The following TEK variants were observed in gnomAD, a reference collection of about 807,000 sequenced individuals.
The protein encoded by TEK is angiopoietin-1 receptor.
In TEK, 43 loss-of-function variants were observed where a neutral mutation model predicts 131.8. That is an observed-to-expected ratio of 0.33 (90% CI 0.26 to 0.42). The LOEUF (loss-of-function observed/expected upper bound fraction) is 0.42. TEK is among the 10% of genes least tolerant of loss of function. TEK has a pLI of 1.00. For synonymous variants in TEK, 580 were observed against 491.6 expected (o/e 1.18, Z -2.38); for missense variants, 1,162 against 1,384.4 (o/e 0.84, Z 2.55).
At chr9:27,212,609 A>T in intron 16 of TEK, 98 bp from the exon 17 acceptor site, 3 of 1,351,868 alleles carry the variant, frequency 2.2e-6, no homozygotes, top group Non-Finnish European at 3.1e-6. Context: ...TGTTTTTTAG[A>T]CAAAATGGAG....
chr9:27,117,161 G>A (rs377677973), intron 1 of TEK, among the ~76,000 whole-genome samples: 9 of 152,072 alleles, frequency 5.9e-5, no homozygotes, highest in African/African-American at 1.7e-4. Context: ...CACTGCGCCC[G>A]GCCGGAAAGA....
chr9:27,223,989 G>A (rs964067806), intron 21 of TEK, among the ~76,000 whole-genome samples: 5 of 152,164 alleles, frequency 3.3e-5, no homozygotes, highest in Admixed American at 2.0e-4. Flanking sequence ...ACACCTCTAC[G>A]CAAATAAACT....
chr9:27,217,607 G>C (rs1825865753), intron 18 of TEK, 81 bp from the exon 19 acceptor site: 6 of 1,243,414 alleles, frequency 4.8e-6, no homozygotes, highest in Non-Finnish European at 7.1e-6. Context: ...GCAATCATTT[G>C]TGGAGCCACA....
At chr9:27,155,760 T>G (rs1259719634) in intron 1 of TEK, among the ~76,000 whole-genome samples, 2 of 152,060 alleles carry the variant, frequency 1.3e-5, no homozygotes, top group Admixed American at 1.3e-4. Flanking sequence ...AATGTTTTTT[T>G]GCCCCAAAAC....
chr9:27,185,822 C>T (rs1467563109), intron 9 of TEK, among the ~76,000 whole-genome samples, 193 bp downstream of exon 9: 2 of 152,030 alleles, frequency 1.3e-5, no homozygotes, highest in Non-Finnish European at 2.9e-5. Flanking sequence ...GTCACACAGC[C>T]CCAGGTTTGA....
chr9:27,133,899 T>G (rs1822319705), intron 1 of TEK, among the ~76,000 whole-genome samples: 1 of 152,222 alleles, frequency 6.6e-6, no homozygotes, highest in African/African-American at 2.4e-5. Context: ...GTTGCAGGAT[T>G]TGCTCAGACA....
At chr9:27,112,162 G>T (rs979521428) in intron 1 of TEK, among the ~76,000 whole-genome samples, 1 of 152,224 alleles carries the variant, frequency 6.6e-6, no homozygotes, top group South Asian at 2.1e-4. Flanking sequence ...GCCTCCCAAA[G>T]TGCTGGGATT....
chr9:27,196,291 C>T (rs981206438), intron 11 of TEK, among the ~76,000 whole-genome samples: 1 of 152,086 alleles, frequency 6.6e-6, no homozygotes, highest in Non-Finnish European at 1.5e-5. Context: ...ATGGCTATAT[C>T]ATAATTTATT....
intron 3 of TEK, among the ~76,000 whole-genome samples, chr9:27,169,044 C>A (rs546612301): frequency 6.6e-6 from 1 of 152,192 alleles, no homozygotes; most frequent in Non-Finnish European, 1.5e-5. Context: ...GTGTCAGTTG[C>A]CTGATCCAGC....
intron 15 of TEK, among the ~76,000 whole-genome samples, chr9:27,207,998 A>G (rs1173086401): frequency 1.3e-5 from 2 of 152,074 alleles, no homozygotes; most frequent in African/African-American, 4.8e-5. Flanking sequence ...AGGGGTGTAG[A>G]ATCTTATGAA....
intron 1 of TEK, among the ~76,000 whole-genome samples, chr9:27,153,339 A>G (rs1823203102): frequency 1.3e-5 from 2 of 152,120 alleles, no homozygotes; most frequent in African/African-American, 4.8e-5. Context: ...AATCCCAGCT[A>G]CTCGAGAGGC....
chr9:27,202,221 G>C (rs1825239644), intron 12 of TEK, among the ~76,000 whole-genome samples: 2 of 152,072 alleles, frequency 1.3e-5, no homozygotes, highest in South Asian at 4.2e-4. Flanking sequence ...ATAATACTTT[G>C]TCTACTAAAA....
At chr9:27,206,982 G>A (rs957219446) in intron 15 of TEK, among the ~76,000 whole-genome samples, 190 bp downstream of exon 15, 4 of 152,232 alleles carry the variant, frequency 2.6e-5, no homozygotes, top group Non-Finnish European at 5.9e-5. Flanking sequence ...ACAAAGGCAG[G>A]AGCCATTTAA....
chr9:27,205,544 G>A (rs1241976382), intron 14 of TEK, among the ~76,000 whole-genome samples: 4 of 152,046 alleles, frequency 2.6e-5, no homozygotes, highest in Admixed American at 2.6e-4. Context: ...CCTCGTATGT[G>A]TAAGAATTGT....
At chr9:27,146,999 G>A (rs1476817776) in intron 1 of TEK, among the ~76,000 whole-genome samples, 1 of 152,142 alleles carries the variant, frequency 6.6e-6, no homozygotes, top group Non-Finnish European at 1.5e-5. Context: ...AAAGTGCTGG[G>A]ATTACAGGCG....
At chr9:27,121,649 G>C (rs1385973386) in intron 1 of TEK, among the ~76,000 whole-genome samples, 1 of 151,756 alleles carries the variant, frequency 6.6e-6, no homozygotes, top group African/African-American at 2.4e-5. Flanking sequence ...TCAGTCATGT[G>C]ATTTCATGAT....
At chr9:27,217,196 C>G (rs1825847703) in intron 18 of TEK, among the ~76,000 whole-genome samples, 1 of 152,212 alleles carries the variant, frequency 6.6e-6, no homozygotes, top group South Asian at 2.1e-4. Context: ...GCTCTTTCCT[C>G]TCCCATCTAC....
chr9:27,133,012 G>C (rs943056383), intron 1 of TEK, among the ~76,000 whole-genome samples: 3 of 152,180 alleles, frequency 2.0e-5, no homozygotes, highest in African/African-American at 7.2e-5. Flanking sequence ...GAGGAAAACA[G>C]TTTCAACCAT....
In TEK at chr9:27,190,557, C is replaced by T. The variant is rs747327465; in HGVS notation, c.1356C>T (p.Asn452=). Residue 452 remains asparagine (N), a synonymous_variant, in exon 10 of 23, where the codon AAC becomes AAT. Coordinates refer to ENST00000380036, the MANE Select transcript of TEK (RefSeq NM_000459.5). The part of the protein sequence containing the change: ...KVLPKPLNAP[N]VIDTGHNFAV... ...TTCCAAAGCCCCTGAATGCCCCAAA[C>T]GTGATTGACACTGGACATAACTTTG... is the stretch of plus-strand genomic sequence containing the variant. The T allele has an allele frequency of 5.6e-6, 9 of 1,613,988 alleles. No individual in the cohort carries two copies. The highest frequency in any genetic ancestry group is 2.5e-6 in the Non-Finnish European group (3 of 1,179,904).
Sources: allele counts gnomAD v4.1 joint callset (sites outside exome capture counted in the v4.1 genomes callset), GRCh38; gene constraint gnomAD v4.1.1; transcripts MANE v1.5; gene names NCBI Gene and HGNC (gene_info 2026-07-23, HGNC 2026-07-21).